Variants in PLXNA4 observed in about 807,000 individuals in gnomAD.
PLXNA4 encodes the protein plexin A4.
PLXNA4 carries 44 observed loss-of-function variants against 191.8 expected under a neutral mutation model. The ratio of observed to expected loss-of-function variants is 0.23; its 90% CI spans 0.18 to 0.29. The LOEUF is 0.29. Ranked by LOEUF, PLXNA4 falls within the 10% of genes least tolerant of loss-of-function variation. The pLI, the probability that PLXNA4 is intolerant of heterozygous loss-of-function variation, is 1.00. For missense variants in PLXNA4, 1,800 were observed against 2,488.8 expected (o/e 0.72, Z 5.89); for synonymous variants, 1,082 against 1,009.5 (o/e 1.07, Z -1.36).
rs1481742502 is a variant in PLXNA4, at chr7:132,332,637, CCAG to C, written c.1372-34418_1372-34416del. ...GCCAAGGCGGGAGGACTGCTTGAGG[CCAG>C]CAGTTCAAGACCAGCCTGGGCAACA... On this transcript the variant is annotated intron_variant, in intron 3 of 31. Coordinates refer to ENST00000321063, the MANE Select transcript of PLXNA4 (RefSeq NM_020911.2). Among the ~76,000 whole-genome samples the C allele has an allele frequency of 5.9e-5, 9 of 151,968 alleles. No individual in the cohort carries two copies. The East Asian group carries it at 1.7e-3, about 29-fold the overall frequency.
chr7:132,477,956 T>C (rs1185225007), intron 3 of PLXNA4, among the ~76,000 whole-genome samples: 1 of 152,198 alleles, frequency 6.6e-6, no homozygotes, highest in Non-Finnish European at 1.5e-5. Flanking sequence ...TAGAAAGAGA[T>C]TCATTAGTTT....
chr7:132,136,528 C>T (rs1261663325), intron 30 of PLXNA4, among the ~76,000 whole-genome samples: 2 of 152,172 alleles, frequency 1.3e-5, no homozygotes, highest in Non-Finnish European at 2.9e-5. Context: ...GCCAGCACCC[C>T]TGAGGTCCTG....
At chr7:132,313,945 A>T (rs1801846724) in intron 3 of PLXNA4, among the ~76,000 whole-genome samples, 1 of 152,114 alleles carries the variant, frequency 6.6e-6, no homozygotes, top group African/African-American at 2.4e-5. Context: ...ACTATTTCCT[A>T]CTTCCCTTCA....
chr7:132,501,350 G>A (rs997404235), intron 2 of PLXNA4, among the ~76,000 whole-genome samples: 12 of 152,138 alleles, frequency 7.9e-5, no homozygotes, highest in Admixed American at 2.6e-4. Flanking sequence ...CACTGTGCTC[G>A]GGCTCATGAC....
chr7:132,243,590 T>C (rs953940598), intron 4 of PLXNA4, among the ~76,000 whole-genome samples: 7 of 152,198 alleles, frequency 4.6e-5, no homozygotes, highest in African/African-American at 1.7e-4. Flanking sequence ...GAGTCATTTT[T>C]TGTTGGGTTG....
chr7:132,647,915 T>C (rs1279552406), intron 1 of PLXNA4, among the ~76,000 whole-genome samples: 1 of 151,364 alleles, frequency 6.6e-6, no homozygotes, highest in African/African-American at 2.4e-5. Context: ...ACACACACTG[T>C]CATACACTCA....
chr7:132,404,621 G>A lies in PLXNA4; in HGVS notation c.1371+84671C>T, dbSNP rs1437930419. ...GTAGTGATTAAGAATGGACTCCCAA[G>A]TAAGACTGCTTGATTGGCATCCTAA... On this transcript the variant is annotated intron_variant, in intron 3 of 31. Transcript: ENST00000321063. Among the ~76,000 whole-genome samples the A allele has an allele frequency of 4.6e-5, 7 of 152,200 alleles. No individual in the cohort carries two copies. The East Asian group carries it at 1.3e-3, about 29-fold the overall frequency.
At chr7:132,424,773 C>T (rs1794981372) in intron 3 of PLXNA4, among the ~76,000 whole-genome samples, 1 of 152,218 alleles carries the variant, frequency 6.6e-6, no homozygotes, top group Non-Finnish European at 1.5e-5. Context: ...CAAAACATCA[C>T]ATTATATAAT....
intron 10 of PLXNA4, among the ~76,000 whole-genome samples, chr7:132,209,289 C>T (rs1797723200): frequency 2.0e-5 from 3 of 152,204 alleles, no homozygotes; most frequent in African/African-American, 7.2e-5. Flanking sequence ...GTCAGCTTCT[C>T]TCAAGAAACA....
Position 132,132,440 on chromosome 7 carries a change from C to CTGT in PLXNA4, c.5589+606_5589+608dup, listed in dbSNP as rs1264546247. 9.4e-4 allele frequency among the ~76,000 whole-genome samples: 61 copies of CTGT among 64,820 alleles called. 1 individual carries two copies. The highest frequency in any genetic ancestry group is 3.5e-3 in the African/African-American group (54 of 15,438). 42.5% of individuals were successfully genotyped at this position (64,820 alleles called of 152,430 possible). On this transcript the variant is annotated intron_variant, in intron 31 of 31. Coordinates refer to ENST00000321063, the MANE Select transcript of PLXNA4 (RefSeq NM_020911.2). ...CTGTTCTGTTCTGTTCTGTTCTGTT[C>CTGT]TGTTCTGTTCTGTTCTGTTCTGTTC...
intron 3 of PLXNA4, among the ~76,000 whole-genome samples, chr7:132,464,530 G>A (rs746933440): frequency 2.0e-5 from 3 of 152,186 alleles, no homozygotes; most frequent in Non-Finnish European, 2.9e-5. Flanking sequence ...AGGTGGGTGT[G>A]CATCGAAATA....
intron 3 of PLXNA4, among the ~76,000 whole-genome samples, chr7:132,450,879 G>A (rs1419791388): frequency 1.3e-5 from 2 of 152,196 alleles, no homozygotes; most frequent in African/African-American, 4.8e-5. Context: ...ACATGGATGA[G>A]TCAGTCCCTA....
intron 3 of PLXNA4, among the ~76,000 whole-genome samples, chr7:132,302,175 T>C (rs2116524967): frequency 6.6e-6 from 1 of 152,312 alleles, no homozygotes. Flanking sequence ...GAGAAGTAAC[T>C]AGTGTTACGA....
At position 132,214,033 on chromosome 7, in the gene PLXNA4, G is replaced by A. The variant is rs146101371; in HGVS notation, c.2098-2890C>T. Among the ~76,000 whole-genome samples, 583 of 152,336 alleles carry A rather than the reference G, an allele frequency of 3.8e-3. 4 individuals carry two copies. The highest frequency in any genetic ancestry group is 7.2e-3 in the Non-Finnish European group (491 of 68,030). ...AAAGAAGGGCTCAGTATCAGCAGAT[G>A]AGCTGGTAGCTGAAGAACTCAGATG... On this transcript the variant is annotated intron_variant, in intron 9 of 31. Transcript: ENST00000321063.
intron 3 of PLXNA4, among the ~76,000 whole-genome samples, chr7:132,347,667 G>T (rs757666328): frequency 7.2e-5 from 11 of 152,184 alleles, no homozygotes; most frequent in Non-Finnish European, 1.3e-4. Context: ...ACAAGCAGTT[G>T]TGTGCTCCGA....
chr7:132,406,883 C>CA (rs1794242611), intron 3 of PLXNA4, among the ~76,000 whole-genome samples: 3 of 152,072 alleles, frequency 2.0e-5, no homozygotes, highest in Admixed American at 2.0e-4. Context: ...GTTGAGTGGG[C>CA]ACCGAGAGAA....
intron 2 of PLXNA4, among the ~76,000 whole-genome samples, chr7:132,644,246 C>T (rs984127878): frequency 1.8e-4 from 28 of 152,292 alleles, no homozygotes; most frequent in African/African-American, 5.1e-4. Context: ...ACAGTAGCAA[C>T]GCCCACCTCA....
chr7:132,494,837 T>C (rs141529040), intron 2 of PLXNA4, among the ~76,000 whole-genome samples: 111 of 152,292 alleles, frequency 7.3e-4, no homozygotes, highest in African/African-American at 2.6e-3. Flanking sequence ...GACGGTTTCC[T>C]TCCTCCAGCA....
chr7:132,467,442 A>G (rs1563115944), intron 3 of PLXNA4, among the ~76,000 whole-genome samples: 1 of 152,242 alleles, frequency 6.6e-6, no homozygotes, highest in East Asian at 1.9e-4. Flanking sequence ...ATACTGCTTC[A>G]TACAACTTGA....
Sources: gnomAD v4.1 joint callset for allele counts (sites outside exome capture counted in the v4.1 genomes callset) on GRCh38, gnomAD v4.1.1 for gene constraint, MANE v1.5 for transcripts, NCBI Gene and HGNC (gene_info 2026-07-23, HGNC 2026-07-21) for gene names.